SOD2: variants seen among roughly 807,000 people sequenced by gnomAD.
The protein encoded by SOD2 is superoxide dismutase 2.
In SOD2, 11 loss-of-function variants were observed where a neutral mutation model predicts 27.0. The ratio of observed to expected loss-of-function variants is 0.41; its 90% CI spans 0.26 to 0.67. The LOEUF is 0.67. Ranked by LOEUF, SOD2 falls within the 30% of genes least tolerant of loss-of-function variation. The pLI is 0.34. For synonymous variants in SOD2, 105 were observed against 103.0 expected (o/e 1.02, Z -0.12); for missense variants, 250 against 274.5 (o/e 0.91, Z 0.63).
At position 159,670,744 on chromosome 6, in the gene SOD2, T is replaced by G. The variant is rs537363832; in HGVS notation, c.*11749A>C. ...ACTGGGGCTTGTTGGACAGTGGGTG[T>G]AGGACGGTGGGTGCAGCCCACTGAG... On this transcript the variant is annotated 3_prime_UTR_variant, in exon 5 of 5. Transcript: ENST00000538183. 4.2e-4 allele frequency: 64 copies of G among 152,682 alleles called. No individual in the cohort carries two copies. Among genetic ancestry groups the G allele is most frequent in the African/African-American group, 1.5e-3 (62 of 41,542 alleles). The allele number at this position is 152,682 out of a possible 1,614,324, so 9.5% of individuals were successfully genotyped here.
At chr6:159,715,899 C>G (rs1447523880) in intron 1 of SOD2, among the ~76,000 whole-genome samples, 1 of 139,032 alleles carries the variant, frequency 7.2e-6, no homozygotes, top group African/African-American at 2.9e-5. Context: ...GACCCTGTCT[C>G]AAGGAAAAAA....
chr6:159,742,055 G>A (rs56119992), intron 1 of SOD2: 51,665 of 1,466,294 alleles, frequency 0.035, 1,938 homozygotes, highest in African/African-American at 0.17. Flanking sequence ...CTATTTTATC[G>A]TAACAACTAA....
In SOD2 at chr6:159,678,147, G is replaced by C. The variant is rs998891418; in HGVS notation, c.*4346C>G. On this transcript the variant is annotated 3_prime_UTR_variant, in exon 5 of 5. Coordinates refer to ENST00000538183, the MANE Select transcript of SOD2 (RefSeq NM_000636.4). ...GAGCTTCTGGGTAGCTGATGACGTG[G>C]AGAGAGCATGAAAGCTCCATACCCC... 2.0e-5 allele frequency: 3 copies of C among 152,222 alleles called. No homozygotes were observed. Among genetic ancestry groups the C allele is most frequent in the African/African-American group, 7.2e-5 (3 of 41,446 alleles). The allele number at this position is 152,222 out of a possible 1,614,324, so 9.4% of individuals were successfully genotyped here.
At chr6:159,710,725 A>C (rs1233612122) in intron 1 of SOD2, among the ~76,000 whole-genome samples, 1 of 149,794 alleles carries the variant, frequency 6.7e-6, no homozygotes, top group Non-Finnish European at 1.5e-5. Flanking sequence ...ACCACCAGTC[A>C]CACTGCTCTG....
At chr6:159,761,968 A>G (rs1208517754) in exon 1 of SOD2, 2 of 1,119,134 alleles carry the variant, frequency 1.8e-6, no homozygotes, top group East Asian at 2.6e-5. Context: ...GTGCGCGGGG[A>G]GGTGGAGGGC....
chr6:159,753,726 A>G, intron 1 of SOD2: 1 of 1,319,750 alleles, frequency 7.6e-7, no homozygotes, highest in South Asian at 1.6e-5. Flanking sequence ...CCTCTGCCCT[A>G]TGATTGTATA....
chr6:159,693,277 G>T, upstream of SOD2: 5 of 1,029,332 alleles, frequency 4.9e-6, no homozygotes, highest in South Asian at 1.5e-5. Context: ...TTAAGAAAGC[G>T]CGGGGAGCAG....
chr6:159,757,533 C>T (rs185343861), intron 1 of SOD2, among the ~76,000 whole-genome samples: 1 of 151,940 alleles, frequency 6.6e-6, no homozygotes, highest in East Asian at 1.9e-4. Flanking sequence ...CTGCCTCAGA[C>T]TCCTGAGTAG....
At chr6:159,728,453 G>T (rs1394123407), upstream of SOD2, among the ~76,000 whole-genome samples, 1 of 152,176 alleles carries the variant, frequency 6.6e-6, no homozygotes, top group Non-Finnish European at 1.5e-5. Context: ...ATTTAGTCTG[G>T]TAGGGAAATA....
chr6:159,679,651 C>A lies in SOD2; in HGVS notation c.*2842G>T, dbSNP rs1779862967. The A allele has an allele frequency of 1.3e-5, 2 of 152,228 alleles. No individual in the cohort carries two copies. The highest frequency in any genetic ancestry group is 3.8e-4 in the East Asian group (2 of 5,206). 9.4% of individuals were successfully genotyped at this position (152,228 alleles called of 1,614,324 possible). On this transcript the variant is annotated 3_prime_UTR_variant, in exon 5 of 5. Transcript: ENST00000538183. The stretch of plus-strand genomic sequence containing the variant: ...TTGTTTTGCTCCAACACTAATCATG[C>A]TGAGGTTTTTGAAGCACAGCTATGA...
chr6:159,710,753 T>C (rs1266513269), intron 1 of SOD2, among the ~76,000 whole-genome samples: 2 of 141,722 alleles, frequency 1.4e-5, no homozygotes, highest in African/African-American at 5.3e-5. Flanking sequence ...TAACCACCAC[T>C]CATACTGCTC....
At chr6:159,725,597 C>G (rs550084104) in intron 1 of SOD2, 12 of 151,028 alleles carry the variant, frequency 7.9e-5, no homozygotes, top group Admixed American at 7.9e-4. Context: ...ACTTTGTTTC[C>G]TTTTTTATTT....
intron 1 of SOD2, among the ~76,000 whole-genome samples, chr6:159,709,739 C>G (rs535798054): frequency 2.0e-5 from 3 of 152,170 alleles, no homozygotes; most frequent in Non-Finnish European, 2.9e-5. Flanking sequence ...ACTAGAAATA[C>G]CATTTGACCC....
chr6:159,692,796 G>A lies in SOD2; in HGVS notation c.91C>T (p.Leu31=), dbSNP rs1777288479. 1 of 1,613,978 alleles carries A rather than the reference G, an allele frequency of 6.2e-7. No individual in the cohort carries two copies. Among genetic ancestry groups the A allele is most frequent in the South Asian group, 1.1e-5 (1 of 91,080 alleles). The change falls in exon 2 of 5, where the codon CTG becomes TTG. Residue 31 remains leucine, a synonymous_variant. Coordinates refer to ENST00000538183, the MANE Select transcript of SOD2 (RefSeq NM_000636.4). ...TCCAGGGCGCCGTAGTCGTAGGGCA[G>A]GTCGGGGAGGCTGTGCTTCTGCCTG... ...GSRQKHSLPD[L]PYDYGALEPH... is the part of the protein sequence containing the mutation.
Position 159,682,261 on chromosome 6 carries a change from G to A in SOD2, c.*232C>T, listed in dbSNP as rs539156362. The A allele has an allele frequency of 7.9e-4, 282 of 354,938 alleles. 3 individuals are homozygous for A. In the East Asian group the frequency reaches 0.013, roughly 17 times the overall value. The allele number at this position is 354,938 out of a possible 1,614,324, so 22.0% of individuals were successfully genotyped here. ...GACAATTGTAATTTAGCTCTCTGAAGAAAATGTCCAATCAGATTCAATCAC... is the reference window on the plus strand; with the variant it reads ...GACAATTGTAATTTAGCTCTCTGAAAAAAATGTCCAATCAGATTCAATCAC... On this transcript the variant is annotated 3_prime_UTR_variant, in exon 5 of 5. Coordinates refer to ENST00000538183, the MANE Select transcript of SOD2 (RefSeq NM_000636.4).
At chr6:159,713,849 G>A in intron 1 of SOD2, 1 of 1,090,826 alleles carries the variant, frequency 9.2e-7, no homozygotes. Context: ...GCCTTCTCCG[G>A]TGTAGATGAA....
At chr6:159,760,683 G>A (rs1412254090) in intron 1 of SOD2, 5 of 152,288 alleles carry the variant, frequency 3.3e-5, no homozygotes, top group Non-Finnish European at 4.4e-5. Context: ...CCGTAGGAAT[G>A]ACTGGTATTA....
At chr6:159,736,315 G>GT (rs765895545) in intron 1 of SOD2, 30 of 1,592,342 alleles carry the variant, frequency 1.9e-5, no homozygotes, top group Middle Eastern at 1.7e-4. Flanking sequence ...TTGGTTTTGG[G>GT]TTTTTTTGTT....
chr6:159,746,965 G>A (rs1319098421), upstream of SOD2, among the ~76,000 whole-genome samples: 2 of 152,192 alleles, frequency 1.3e-5, no homozygotes, highest in Non-Finnish European at 2.9e-5. Context: ...GGAGTGCACT[G>A]TAAGTCATGG....
Sources: gnomAD v4.1 joint callset for allele counts (sites outside exome capture counted in the v4.1 genomes callset) on GRCh38, gnomAD v4.1.1 for gene constraint, MANE v1.5 for transcripts, NCBI Gene and HGNC (gene_info 2026-07-23, HGNC 2026-07-21) for gene names.